The following MGRN1 variants were observed in gnomAD, a reference collection of about 807,000 sequenced individuals.
MGRN1 encodes the protein mahogunin ring finger 1.
Under a neutral mutation model 69.2 loss-of-function variants are expected in MGRN1, and 29 were observed. The ratio of observed to expected loss-of-function variants is 0.42; its 90% CI spans 0.31 to 0.57. The LOEUF (loss-of-function observed/expected upper bound fraction) is 0.57, where lower values mean the gene tolerates loss of function less well. MGRN1 is among the 20% of genes least tolerant of loss of function. The pLI is 0.15. For synonymous variants in MGRN1, 470 were observed against 344.2 expected (o/e 1.37, Z -4.04); for missense variants, 998 against 796.2 (o/e 1.25, Z -3.05).
chr16:4,689,786 A>T lies in MGRN1; in HGVS notation c.*878A>T, dbSNP rs1345728610. 5.0e-5 allele frequency: 7 copies of T among 139,812 alleles called. No homozygotes were observed. Among genetic ancestry groups the T allele is most frequent in the African/African-American group, 1.9e-4 (7 of 37,142 alleles). The allele number at this position is 139,812 out of a possible 1,614,324, so 8.7% of individuals were successfully genotyped here. On this transcript the variant is annotated 3_prime_UTR_variant, in exon 17 of 17. Transcript: ENST00000262370. ...TCTTCTCTTTTTTTTTTTTTTTGAG[A>T]TGGAGTTTCACTCTTGCTGCCCAGG...
rs540311778 is a variant in MGRN1 at position 4,660,261 on chromosome 16, C to T, written c.561+2898C>T. ...TGCAGCTCTGTGAGCCTGGGTTTGC[C>T]CCTCTGTAGACTGGGGCTGGAAGCA... On this transcript the variant is annotated intron_variant, in intron 5 of 16. Transcript: ENST00000262370. Among the ~76,000 whole-genome samples, 25 of 152,316 alleles carry T rather than the reference C, an allele frequency of 1.6e-4. 1 individual carries two copies. In the East Asian group the frequency reaches 3.1e-3, roughly 19 times the overall value.
chr16:4,686,209 T>C (rs1044255356), intron 16 of MGRN1: 16 of 1,536,306 alleles, frequency 1.0e-5, no homozygotes, highest in Non-Finnish European at 1.3e-5. Context: ...TGCTGGCTGC[T>C]GCGCGCTTGC....
chr16:4,638,475 A>T (rs1196858826), intron 1 of MGRN1, among the ~76,000 whole-genome samples: 1 of 151,004 alleles, frequency 6.6e-6, no homozygotes, highest in Non-Finnish European at 1.5e-5. Flanking sequence ...AAAAAAAAAA[A>T]TAAATAAATA....
intron 4 of MGRN1, among the ~76,000 whole-genome samples, chr16:4,656,271 A>G (rs2078535341): frequency 6.6e-6 from 1 of 152,232 alleles, no homozygotes; most frequent in Admixed American, 6.5e-5. Flanking sequence ...GGGAAAAGTG[A>G]GATGTTGGTG....
Position 4,650,193 on chromosome 16 carries a change from C to G in MGRN1, c.89-172C>G. Reference sequence around the variant, plus strand: ...TGGTGGGTGCCGGTAATCCCAGCTACTCGGGAGGCTGAGGCAGAAGAATCG... The same window carrying G: ...TGGTGGGTGCCGGTAATCCCAGCTAGTCGGGAGGCTGAGGCAGAAGAATCG... On this transcript the variant is annotated intron_variant, in intron 1 of 16. Coordinates refer to ENST00000262370, the MANE Select transcript of MGRN1 (RefSeq NM_015246.4). 4 of 529,902 alleles carry G rather than the reference C, an allele frequency of 7.5e-6. 1 individual carries two copies. In the Middle Eastern group the frequency reaches 2.1e-3, roughly 284 times the overall value. The allele number at this position is 529,902 out of a possible 1,614,324, so 32.8% of individuals were successfully genotyped here.
chr16:4,681,301 T>A, intron 12 of MGRN1: 1 of 534,158 alleles, frequency 1.9e-6, no homozygotes, highest in Non-Finnish European at 3.3e-6. Context: ...CTGGGGCGGT[T>A]CTTGGCAGAT....
intron 11 of MGRN1, 84 bp from the exon 12 acceptor site, chr16:4,679,948 A>G: frequency 7.8e-7 from 1 of 1,286,414 alleles, no homozygotes; most frequent in Non-Finnish European, 1.1e-6. Flanking sequence ...GTGTGGCAAG[A>G]GGACAGCCAG....
chr16:4,674,586 T>TTTTTC (rs1485322218), intron 10 of MGRN1, among the ~76,000 whole-genome samples: 5 of 140,046 alleles, frequency 3.6e-5, no homozygotes, highest in South Asian at 2.2e-4. Context: ...CGCTTTTTTT[T>TTTTTC]TTTTCTTTTC....
chr16:4,659,886 C>T (rs189372794), intron 5 of MGRN1, among the ~76,000 whole-genome samples: 1 of 152,272 alleles, frequency 6.6e-6, no homozygotes, highest in East Asian at 1.9e-4. Context: ...AGCCTCCCAT[C>T]TCCCTCAGCT....
chr16:4,629,737 C>CAAAA (rs58368787), intron 1 of MGRN1, among the ~76,000 whole-genome samples: 5 of 110,822 alleles, frequency 4.5e-5, no homozygotes, highest in Admixed American at 3.9e-4. Flanking sequence ...GACACCGTCT[C>CAAAA]AAAAAAAAAA....
intron 10 of MGRN1, among the ~76,000 whole-genome samples, chr16:4,674,683 G>T (rs926756129): frequency 8.4e-6 from 1 of 119,406 alleles, no homozygotes; most frequent in Non-Finnish European, 1.6e-5. Flanking sequence ...GCCCAGGCTG[G>T]ACTGCGGACT....
intron 16 of MGRN1, chr16:4,687,828 T>G (rs949003025): frequency 2.3e-5 from 23 of 985,326 alleles, no homozygotes; most frequent in Middle Eastern, 5.2e-4. Context: ...GAACTTCGCT[T>G]CTTTTGACTG....
chr16:4,677,523 TG>T lies in MGRN1; in HGVS notation c.1017del (p.Ser340ProfsTer158). 1 of 1,598,096 alleles carries T rather than the reference TG, an allele frequency of 6.3e-7. No individual in the cohort carries two copies. Among genetic ancestry groups the T allele is most frequent in the Non-Finnish European group, 8.5e-7 (1 of 1,178,302 alleles). ...VRKKPGALSP[V>X]SFSPVLAQSL... is the part of the protein sequence containing the mutation. ...AAGAAGCCAGGAGCCCTGTCCCCCG[TG>T]TCCTTCAGCCCCGTCCTGGCCCAGA... On this transcript the variant is annotated frameshift_variant, in exon 11 of 17. Transcript: ENST00000262370. LOFTEE classifies it high-confidence loss of function.
At chr16:4,645,304 C>A (rs2078251576) in intron 1 of MGRN1, among the ~76,000 whole-genome samples, 1 of 152,020 alleles carries the variant, frequency 6.6e-6, no homozygotes, top group Non-Finnish European at 1.5e-5. Flanking sequence ...GTAGCTAGGA[C>A]TACAGGCATG....
chr16:4,683,982 C>T, intron 16 of MGRN1, 50 bp downstream of exon 16: 1 of 1,493,036 alleles, frequency 6.7e-7, no homozygotes, highest in Non-Finnish European at 9.1e-7. Context: ...TGTCTTAGTC[C>T]CCAGGGAGGG....
At chr16:4,670,173 C>T (rs2078906273) in intron 8 of MGRN1, among the ~76,000 whole-genome samples, 1 of 149,666 alleles carries the variant, frequency 6.7e-6, no homozygotes, top group African/African-American at 2.6e-5. Flanking sequence ...CAAGTGATTT[C>T]TCGTTCAGGC....
intron 1 of MGRN1, among the ~76,000 whole-genome samples, chr16:4,642,156 C>T (rs577837300): frequency 7.0e-4 from 103 of 146,116 alleles, no homozygotes; most frequent in Admixed American, 5.6e-3. Context: ...TAAAAAAGAC[C>T]GTCTTGCTCT....
chr16:4,657,532 A>G (rs529908936), intron 5 of MGRN1, among the ~76,000 whole-genome samples, 169 bp downstream of exon 5: 1 of 152,294 alleles, frequency 6.6e-6, no homozygotes, highest in East Asian at 1.9e-4. Flanking sequence ...GGGCGGGAGC[A>G]AGGCCTGGGC....
chr16:4,683,403 C>T, intron 15 of MGRN1, 134 bp downstream of exon 15: 2 of 1,035,682 alleles, frequency 1.9e-6, no homozygotes, highest in South Asian at 3.0e-5. Flanking sequence ...AGAGGCCCCC[C>T]TCGGCGGCAC....
Sources: allele counts gnomAD v4.1 joint callset (sites outside exome capture counted in the v4.1 genomes callset), GRCh38; gene constraint gnomAD v4.1.1; transcripts MANE v1.5; gene names NCBI Gene and HGNC (gene_info 2026-07-23, HGNC 2026-07-21).